ROBO2: variants seen among roughly 807,000 people sequenced by gnomAD.
The protein encoded by ROBO2 is roundabout homolog 2.
ROBO2 carries 53 observed loss-of-function variants against 160.8 expected under a neutral mutation model. The ratio of observed to expected loss-of-function variants is 0.33; its 90% confidence interval spans 0.26 to 0.41. The LOEUF is 0.41. Ranked by LOEUF, ROBO2 falls within the 10% of genes least tolerant of loss-of-function variation. ROBO2 has a pLI of 1.00. For synonymous variants in ROBO2, 664 were observed against 611.7 expected (o/e 1.09, Z -1.26); for missense variants, 1,577 against 1,722.4 (o/e 0.92, Z 1.49).
At chr3:76,972,561 A>C (rs576469223) in intron 2 of ROBO2, among the ~76,000 whole-genome samples, 1 of 152,056 alleles carries the variant, frequency 6.6e-6, no homozygotes, top group Non-Finnish European at 1.5e-5. Flanking sequence ...TTTTTTTCAC[A>C]TTAAGGATGA....
chr3:76,078,670 A>G (rs1166815136), intron 2 of ROBO2, among the ~76,000 whole-genome samples: 1 of 152,192 alleles, frequency 6.6e-6, no homozygotes, highest in Non-Finnish European at 1.5e-5. Flanking sequence ...CGGCCTCAGT[A>G]ATAAGCTTTT....
Position 76,062,937 on chromosome 3 carries a change from C to T in ROBO2, c.109+125335C>T, listed in dbSNP as rs78166392. Reference sequence around the variant, plus strand: ...TAGGAGAAAATTATGCCTACTGATACTAATATTTGTCTATGTCATATTTAA... The same window carrying T: ...TAGGAGAAAATTATGCCTACTGATATTAATATTTGTCTATGTCATATTTAA... On this transcript the variant is annotated intron_variant, in intron 2 of 26. Transcript: ENST00000487694. Among the ~76,000 whole-genome samples the T allele has an allele frequency of 7.5e-3, 1,138 of 152,200 alleles. 6 individuals are homozygous for T. Among genetic ancestry groups the T allele is most frequent in the Non-Finnish European group, 0.012 (837 of 67,996 alleles).
chr3:76,927,092 C>T (rs1443707346), intron 2 of ROBO2, among the ~76,000 whole-genome samples: 2 of 152,096 alleles, frequency 1.3e-5, no homozygotes, highest in South Asian at 2.1e-4. Context: ...AATTGCTGAG[C>T]TCTGGGCTGT....
chr3:76,473,286 C>A (rs2078762184), intron 2 of ROBO2, among the ~76,000 whole-genome samples: 1 of 152,094 alleles, frequency 6.6e-6, no homozygotes, highest in African/African-American at 2.4e-5. Context: ...CTTTTGAGTA[C>A]CTGAGTGCTC....
chr3:76,682,325 A>G (rs1369900671), intron 2 of ROBO2, among the ~76,000 whole-genome samples: 2 of 152,174 alleles, frequency 1.3e-5, no homozygotes, highest in Admixed American at 1.3e-4. Context: ...AGGAGGCTGT[A>G]CATATTGGTG....
intron 2 of ROBO2, among the ~76,000 whole-genome samples, chr3:75,996,709 T>A (rs549796502): frequency 6.6e-6 from 1 of 152,248 alleles, no homozygotes; most frequent in African/African-American, 2.4e-5. Context: ...CCTCCTAAAG[T>A]AATGAATATC....
chr3:76,516,020 G>A (rs1051122999), intron 2 of ROBO2, among the ~76,000 whole-genome samples: 2 of 151,996 alleles, frequency 1.3e-5, no homozygotes, highest in Non-Finnish European at 2.9e-5. Flanking sequence ...AGTCAGAGGC[G>A]AAAAGCTAGA....
chr3:76,718,899 G>T (rs2093423518), intron 2 of ROBO2, among the ~76,000 whole-genome samples: 1 of 152,136 alleles, frequency 6.6e-6, no homozygotes, highest in African/African-American at 2.4e-5. Flanking sequence ...CTGTGGACAT[G>T]TGTCCTTTCA....
At position 76,000,320 on chromosome 3, in the gene ROBO2, C is replaced by T. The variant is rs532903034; in HGVS notation, c.109+62718C>T. Among the ~76,000 whole-genome samples the T allele has an allele frequency of 1.3e-3, 204 of 152,126 alleles. 4 individuals are homozygous for T. Among genetic ancestry groups the T allele is most frequent in the Middle Eastern group, 3.4e-3 (1 of 294 alleles). ...TGTATACTTAAGTTCTTTAAGCACA[C>T]GGGACCCATAAAAATTGTTCTAAAA... On this transcript the variant is annotated intron_variant, in intron 2 of 26. Transcript: ENST00000487694.
chr3:76,949,082 AT>A (rs1295105477), intron 2 of ROBO2, among the ~76,000 whole-genome samples: 23 of 150,272 alleles, frequency 1.5e-4, no homozygotes, highest in African/African-American at 5.2e-4. Flanking sequence ...AATCTTTTTC[AT>A]TTTTTGAGAG....
intron 2 of ROBO2, among the ~76,000 whole-genome samples, chr3:76,060,577 G>A (rs1189501214): frequency 6.6e-6 from 1 of 152,158 alleles, no homozygotes; most frequent in African/African-American, 2.4e-5. Context: ...GCAATTTCTG[G>A]TTGATGACTG....
chr3:76,272,897 TAATATATATTTATATATA>T, intron 2 of ROBO2, among the ~76,000 whole-genome samples: 1 of 52,098 alleles, frequency 1.9e-5, no homozygotes, highest in Admixed American at 3.4e-4. Flanking sequence ...TATAAAAATA[TAATATATATTTATATATA>T]AAATATATAT....
intron 2 of ROBO2, among the ~76,000 whole-genome samples, chr3:76,768,144 T>C (rs1388173757): frequency 1.3e-5 from 2 of 151,494 alleles, no homozygotes; most frequent in African/African-American, 4.8e-5. Context: ...ATAAAATGTT[T>C]GAGAATGTTT....
intron 2 of ROBO2, among the ~76,000 whole-genome samples, chr3:76,425,637 C>A (rs1577104422): frequency 1.3e-5 from 2 of 152,056 alleles, no homozygotes; most frequent in East Asian, 3.9e-4. Flanking sequence ...AATTAGTGAA[C>A]TCTATTCTAT....
At chr3:77,028,319 G>A (rs770100110) in intron 2 of ROBO2, among the ~76,000 whole-genome samples, 72 of 152,060 alleles carry the variant, frequency 4.7e-4, no homozygotes, top group Non-Finnish European at 8.5e-4. Context: ...CTCTTCTGCC[G>A]AAGTCACTTC....
At chr3:75,919,620 C>T (rs1021593484) in intron 1 of ROBO2, among the ~76,000 whole-genome samples, 1 of 152,138 alleles carries the variant, frequency 6.6e-6, no homozygotes, top group African/African-American at 2.4e-5. Flanking sequence ...GGTACCAGCT[C>T]CTCTTTGTAC....
intron 2 of ROBO2, among the ~76,000 whole-genome samples, chr3:76,436,645 T>C (rs1447488458): frequency 6.6e-6 from 1 of 151,222 alleles, no homozygotes; most frequent in Non-Finnish European, 1.5e-5. Flanking sequence ...CTTAAAGTTA[T>C]ACAGAAAATA....
intron 2 of ROBO2, among the ~76,000 whole-genome samples, chr3:76,715,213 CT>C (rs1317163832): frequency 6.6e-6 from 1 of 152,070 alleles, no homozygotes; most frequent in African/African-American, 2.4e-5. Flanking sequence ...ATTTTAATCT[CT>C]GGCAAACAAC....
intron 5 of ROBO2, among the ~76,000 whole-genome samples, chr3:77,511,958 A>G (rs1268525858): frequency 6.6e-6 from 1 of 151,950 alleles, no homozygotes; most frequent in Non-Finnish European, 1.5e-5. Context: ...TGCCCTGCCC[A>G]GAAGTTGCTT....
Sources: allele counts gnomAD v4.1 joint callset (sites outside exome capture counted in the v4.1 genomes callset), GRCh38; gene constraint gnomAD v4.1.1; transcripts MANE v1.5; gene names NCBI Gene and HGNC (gene_info 2026-07-23, HGNC 2026-07-21).